Variants in CNR2 observed in about 807,000 individuals in gnomAD.
The protein encoded by CNR2 is cannabinoid receptor 2, also known as cannabinoid receptor 2 (macrophage).
For missense variants in CNR2, 379 were observed against 439.9 expected (o/e 0.86, Z 1.24); for synonymous variants, 172 against 182.2 (o/e 0.94, Z 0.45).
intron 1 of CNR2, among the ~76,000 whole-genome samples, chr1:23,880,787 G>A (rs1379660898): frequency 2.0e-5 from 3 of 150,776 alleles, no homozygotes; most frequent in African/African-American, 7.3e-5. Flanking sequence ...GGCCAGGCTG[G>A]TCTCAAACTC....
chr1:23,881,641 G>A (rs1639990115), intron 1 of CNR2, among the ~76,000 whole-genome samples: 1 of 148,412 alleles, frequency 6.7e-6, no homozygotes, highest in Non-Finnish European at 1.5e-5. Context: ...TGTAATCCCA[G>A]CCCTTTGGAG....
chr1:23,876,611 G>C (rs967204655), intron 1 of CNR2, among the ~76,000 whole-genome samples: 2 of 151,854 alleles, frequency 1.3e-5, no homozygotes, highest in Admixed American at 6.6e-5. Flanking sequence ...TAAGGAAGGC[G>C]GATCATGAGG....
intron 1 of CNR2, among the ~76,000 whole-genome samples, chr1:23,904,178 GTTT>G (rs941406053): frequency 1.5e-5 from 2 of 132,562 alleles, no homozygotes; most frequent in Non-Finnish European, 3.3e-5. Flanking sequence ...TCGTTTCATT[GTTT>G]TTTTTTTTTT....
At chr1:23,887,321 C>T (rs958857769) in intron 1 of CNR2, among the ~76,000 whole-genome samples, 12 of 152,176 alleles carry the variant, frequency 7.9e-5, no homozygotes, top group Admixed American at 7.9e-4. Flanking sequence ...AACCCCCTGC[C>T]CCATCACCTG....
At chr1:23,876,860 A>G (rs1053634303) in intron 1 of CNR2, among the ~76,000 whole-genome samples, 1 of 151,802 alleles carries the variant, frequency 6.6e-6, no homozygotes, top group African/African-American at 2.4e-5. Context: ...AAAAAGATGA[A>G]TGTCAATAAG....
chr1:23,877,475 A>C (rs1288326928), intron 1 of CNR2, among the ~76,000 whole-genome samples: 3 of 152,044 alleles, frequency 2.0e-5, no homozygotes, highest in African/African-American at 7.2e-5. Context: ...CTCTACTAAA[A>C]ATACAAAAAA....
chr1:23,896,947 G>A (rs866072467), intron 1 of CNR2, among the ~76,000 whole-genome samples: 1 of 150,478 alleles, frequency 6.6e-6, no homozygotes, highest in Non-Finnish European at 1.5e-5. Context: ...ATACAGTGGC[G>A]AGATCTCAGC....
At position 23,874,416 on chromosome 1, in the gene CNR2, G is replaced by T; in HGVS notation, c.*119C>A. ...TCCCAACACTCATCAGCAAAAAGGG[G>T]TCCGTGTCTAGGTGTCTGGGACTGG... On this transcript the variant is annotated 3_prime_UTR_variant, in exon 2 of 2. Transcript: ENST00000374472. The T allele has an allele frequency of 1.7e-6, 2 of 1,151,240 alleles. No individual in the cohort carries two copies. Among genetic ancestry groups the T allele is most frequent in the Non-Finnish European group, 2.5e-6 (2 of 815,692 alleles). 71.3% of individuals were successfully genotyped at this position (1,151,240 alleles called of 1,614,324 possible).
intron 1 of CNR2, among the ~76,000 whole-genome samples, chr1:23,904,180 T>TGG (rs1478164655): frequency 1.4e-5 from 2 of 143,128 alleles, no homozygotes; most frequent in African/African-American, 5.4e-5. Flanking sequence ...GTTTCATTGT[T>TGG]TTTTTTTTTT....
chr1:23,902,868 C>T (rs1463276309), intron 1 of CNR2: 2 of 1,171,898 alleles, frequency 1.7e-6, no homozygotes, highest in African/African-American at 3.2e-5. Context: ...TTGCTGTGGG[C>T]TAGGACCGCG....
At chr1:23,889,781 G>A (rs1640154128) in intron 1 of CNR2, among the ~76,000 whole-genome samples, 1 of 152,172 alleles carries the variant, frequency 6.6e-6, no homozygotes, top group African/African-American at 2.4e-5. Flanking sequence ...TTCAGGATGT[G>A]TGACCTTGGG....
chr1:23,891,769 T>G (rs1640196418), intron 1 of CNR2, among the ~76,000 whole-genome samples: 1 of 152,200 alleles, frequency 6.6e-6, no homozygotes, highest in Non-Finnish European at 1.5e-5. Flanking sequence ...ATGTGTCCAT[T>G]CCACATCTTG....
In CNR2 at chr1:23,872,228, A is replaced by AAGGAATG. The variant is rs1639776518; in HGVS notation, c.*2300_*2306dup. 6.6e-6 allele frequency: 1 copy of AAGGAATG among 151,508 alleles called. No homozygotes were observed. The highest frequency in any genetic ancestry group is 1.5e-5 in the Non-Finnish European group (1 of 67,882). 9.4% of individuals were successfully genotyped at this position (151,508 alleles called of 1,614,324 possible). ...GGTAGGAGTGATGTTTCCACAAGCC[A>AAGGAATG]AGGAATGACAGGGACTGCCAGAAGT... On this transcript the variant is annotated 3_prime_UTR_variant, in exon 2 of 2. Transcript: ENST00000374472.
intron 1 of CNR2, among the ~76,000 whole-genome samples, chr1:23,903,077 A>T (rs1359009283): frequency 2.5e-5 from 1 of 40,426 alleles, no homozygotes; most frequent in African/African-American, 9.2e-5. Context: ...AGCACCATTC[A>T]TGGGCGGCGG....
intron 1 of CNR2, among the ~76,000 whole-genome samples, chr1:23,911,163 G>A (rs1640577115): frequency 8.4e-6 from 1 of 118,484 alleles, no homozygotes; most frequent in African/African-American, 3.2e-5. Context: ...CGTGGGTGGG[G>A]GGTGGGGAGA....
At chr1:23,905,543 C>T (rs1640473498) in intron 1 of CNR2, among the ~76,000 whole-genome samples, 1 of 151,620 alleles carries the variant, frequency 6.6e-6, no homozygotes, top group South Asian at 2.1e-4. Flanking sequence ...ACAACAAATC[C>T]ATGATGGGGG....
intron 1 of CNR2, among the ~76,000 whole-genome samples, chr1:23,897,548 C>G (rs1640305121): frequency 6.6e-6 from 1 of 150,650 alleles, no homozygotes; most frequent in Non-Finnish European, 1.5e-5. Flanking sequence ...GATCTCGGTT[C>G]AATGCAAACT....
chr1:23,876,906 A>G (rs1396175150), intron 1 of CNR2, among the ~76,000 whole-genome samples: 1 of 152,172 alleles, frequency 6.6e-6, no homozygotes, highest in African/African-American at 2.4e-5. Context: ...AATATTGAAG[A>G]AAAAACCCTC....
At chr1:23,877,964 A>G (rs1639917345) in intron 1 of CNR2, among the ~76,000 whole-genome samples, 1 of 151,662 alleles carries the variant, frequency 6.6e-6, no homozygotes, top group South Asian at 2.1e-4. Context: ...TCCATCTCAA[A>G]AAAAAAAAAA....
Sources: gnomAD v4.1 joint callset for allele counts (sites outside exome capture counted in the v4.1 genomes callset) on GRCh38, gnomAD v4.1.1 for gene constraint, MANE v1.5 for transcripts, NCBI Gene and HGNC (gene_info 2026-07-23, HGNC 2026-07-21) for gene names.